DOCK1: variants seen among roughly 807,000 people sequenced by gnomAD.
DOCK1 encodes the protein dedicator of cytokinesis protein 1.
DOCK1 carries 138 observed loss-of-function variants against 262.7 expected under a neutral mutation model. The observed-to-expected ratio is 0.53, with a 90% CI of 0.46 to 0.61. DOCK1 has a LOEUF of 0.61. Ranked by LOEUF, DOCK1 falls within the 20% of genes least tolerant of loss-of-function variation. The probability of loss-of-function intolerance (pLI) is 0.00; values close to 1 mark genes in which losing one functional copy is unlikely to be tolerated. For synonymous variants in DOCK1, 866 were observed against 867.4 expected (o/e 1.00, Z 0.03); for missense variants, 1,908 against 2,370.7 (o/e 0.80, Z 4.05).
chr10:127,053,033 T>C (rs1041498686), intron 22 of DOCK1, among the ~76,000 whole-genome samples: 7 of 152,220 alleles, frequency 4.6e-5, no homozygotes, highest in African/African-American at 1.7e-4. Context: ...GCGGGAGCCC[T>C]GTTCCTGGTC....
chr10:127,292,643 C>T (rs2061383964), intron 29 of DOCK1, among the ~76,000 whole-genome samples: 1 of 152,188 alleles, frequency 6.6e-6, no homozygotes, highest in Non-Finnish European at 1.5e-5. Context: ...TTCTCAGATG[C>T]ACTGTTGCTT....
intron 27 of DOCK1, among the ~76,000 whole-genome samples, chr10:127,201,066 A>G (rs1306001373): frequency 6.6e-6 from 1 of 152,216 alleles, no homozygotes; most frequent in Non-Finnish European, 1.5e-5. Flanking sequence ...AGTAACTCAT[A>G]TCGCCTTCGA....
intron 31 of DOCK1, among the ~76,000 whole-genome samples, chr10:127,348,322 T>C (rs1372552203): frequency 1.3e-5 from 2 of 152,118 alleles, no homozygotes; most frequent in East Asian, 1.9e-4. Flanking sequence ...TTTTACATTA[T>C]TGGGGTGCAG....
intron 1 of DOCK1, among the ~76,000 whole-genome samples, chr10:126,968,262 A>C (rs2134642166): frequency 6.6e-6 from 1 of 152,048 alleles, no homozygotes; most frequent in African/African-American, 2.4e-5. Context: ...ATACCCTTGC[A>C]AGGCTGGCTT....
chr10:127,175,472 T>C lies in DOCK1; in HGVS notation c.2847+47708T>C. 1 of 1,609,392 alleles carries C rather than the reference T, an allele frequency of 6.2e-7. No individual in the cohort carries two copies. The stretch of plus-strand genomic sequence containing the variant: ...CGGGGGACAGGCACTGCATCGGGGG[T>C]GAGCAGGCCAGGGCAGTTTCCGAGG... On this transcript the variant is annotated intron_variant, in intron 27 of 51. Coordinates refer to ENST00000623213, the MANE Select transcript of DOCK1 (RefSeq NM_001290223.2). This position sits in a 1 kb window ranked among gnomAD's most constrained non-coding sequence, Gnocchi z 6.3.
At chr10:127,236,753 G>T (rs986552760) in intron 27 of DOCK1, among the ~76,000 whole-genome samples, 1 of 151,712 alleles carries the variant, frequency 6.6e-6, no homozygotes, top group Admixed American at 6.6e-5. Context: ...ATATTCTTCT[G>T]TATATGGTTT....
At chr10:126,996,535 ATTT>A (rs10538924) in intron 6 of DOCK1, among the ~76,000 whole-genome samples, 12 of 136,228 alleles carry the variant, frequency 8.8e-5, no homozygotes, top group Admixed American at 2.2e-4. Context: ...AAAATTGAGG[ATTT>A]TTTTTTTTTT....
chr10:127,041,829 T>C (rs1050779857), intron 19 of DOCK1, among the ~76,000 whole-genome samples: 3 of 152,188 alleles, frequency 2.0e-5, no homozygotes, highest in African/African-American at 7.2e-5. Flanking sequence ...CAGTACTTCA[T>C]CATGTTTATG....
At chr10:127,319,459 G>A (rs1272576458) in intron 29 of DOCK1, among the ~76,000 whole-genome samples, 1 of 152,140 alleles carries the variant, frequency 6.6e-6, no homozygotes, top group South Asian at 2.1e-4. Flanking sequence ...AGCACTTCCC[G>A]CATGTGTTTA....
intron 31 of DOCK1, among the ~76,000 whole-genome samples, chr10:127,347,639 C>T (rs760230070): frequency 3.4e-5 from 5 of 149,148 alleles, no homozygotes; most frequent in African/African-American, 7.5e-5. Flanking sequence ...AAACGATGGG[C>T]GCTGACTTGG....
intron 29 of DOCK1, among the ~76,000 whole-genome samples, chr10:127,276,360 G>A (rs1279056909): frequency 6.6e-6 from 1 of 152,130 alleles, no homozygotes; most frequent in Admixed American, 6.6e-5. Flanking sequence ...AGGGATATTT[G>A]GGAGGGGACA....
At chr10:127,429,748 AG>A (rs1406181599) in intron 47 of DOCK1, among the ~76,000 whole-genome samples, 1 of 151,594 alleles carries the variant, frequency 6.6e-6, no homozygotes, top group Non-Finnish European at 1.5e-5. Flanking sequence ...CGAGGTGTGC[AG>A]GGCCCCAGGG....
At chr10:127,329,017 T>C (rs1392315068) in intron 29 of DOCK1, among the ~76,000 whole-genome samples, 3 of 152,070 alleles carry the variant, frequency 2.0e-5, no homozygotes, top group African/African-American at 7.2e-5. Context: ...TTTAACCGTT[T>C]ATAAGTGTAT....
intron 9 of DOCK1, among the ~76,000 whole-genome samples, chr10:126,999,735 G>A (rs932402303): frequency 4.6e-5 from 7 of 152,146 alleles, no homozygotes; most frequent in African/African-American, 1.7e-4. Flanking sequence ...GGAATGCAAT[G>A]GCGTGATCTC....
At chr10:127,119,240 G>C (rs2049387099) in intron 25 of DOCK1, among the ~76,000 whole-genome samples, 1 of 152,138 alleles carries the variant, frequency 6.6e-6, no homozygotes, top group South Asian at 2.1e-4. Flanking sequence ...GTAGAGATGG[G>C]GTTTCACTGT....
At chr10:126,949,258 T>C (rs2035954807) in intron 1 of DOCK1, among the ~76,000 whole-genome samples, 1 of 152,116 alleles carries the variant, frequency 6.6e-6, no homozygotes, top group South Asian at 2.1e-4. Flanking sequence ...TGCAGCCCTC[T>C]CCCTGTGGGG....
chr10:127,102,876 TTC>T (rs2048329499), intron 23 of DOCK1, among the ~76,000 whole-genome samples: 1 of 152,172 alleles, frequency 6.6e-6, no homozygotes, highest in African/African-American at 2.4e-5. Context: ...GTAAAATTTA[TTC>T]TTTTTTAATG....
rs1279534223 is a variant in DOCK1 at position 127,176,862 on chromosome 10, G to GT, written c.2847+49102dup. On this transcript the variant is annotated intron_variant, in intron 27 of 51. Transcript: ENST00000623213. The surrounding 1 kb of genome is among the most constrained non-coding windows in gnomAD (Gnocchi z 4.4). ...ATTGCTGGAATCTGGGAGAGCTGCT[G>GT]TTTTAAAGACTTACTGGAGCTGCCA... The GT allele has an allele frequency of 6.4e-6, 1 of 155,438 alleles. No homozygotes were observed. Among genetic ancestry groups the GT allele is most frequent in the Non-Finnish European group, 1.4e-5 (1 of 70,246 alleles). The allele number at this position is 155,438 out of a possible 1,614,324, so 9.6% of individuals were successfully genotyped here.
intron 27 of DOCK1, among the ~76,000 whole-genome samples, chr10:127,180,658 T>A (rs1263697560): frequency 1.3e-5 from 2 of 152,136 alleles, no homozygotes; most frequent in Non-Finnish European, 2.9e-5. Context: ...ATGGCTGATA[T>A]GAAAATGTGC....
Sources: gnomAD v4.1 joint callset for allele counts (sites outside exome capture counted in the v4.1 genomes callset) on GRCh38, gnomAD v4.1.1 for gene constraint, Gnocchi (gnomAD v3.1) non-coding constraint, MANE v1.5 for transcripts, NCBI Gene and HGNC (gene_info 2026-07-23, HGNC 2026-07-21) for gene names.